UHRF1: variants seen among roughly 807,000 people sequenced by gnomAD.
UHRF1 encodes E3 ubiquitin-protein ligase UHRF1.
A neutral mutation model predicts 96.5 loss-of-function variants in UHRF1; 9 were observed. The observed-to-expected ratio is 0.09, with a 90% CI of 0.06 to 0.16. The LOEUF (loss-of-function observed/expected upper bound fraction) is 0.16, where lower values mean the gene tolerates loss of function less well. UHRF1 is among the 10% of genes least tolerant of loss of function. The pLI, the probability that UHRF1 is intolerant of heterozygous loss-of-function variation, is 1.00. For synonymous variants in UHRF1, 455 were observed against 469.9 expected, an observed-to-expected ratio of 0.97 and a Z score of 0.41; for missense variants, 626 against 1,131.1, an observed-to-expected ratio of 0.55 and a Z score of 6.40.
At chr19:4,938,420 T>G (rs542417686) in intron 5 of UHRF1, among the ~76,000 whole-genome samples, 8 of 152,270 alleles carry the variant, frequency 5.3e-5, no homozygotes, top group African/African-American at 1.9e-4. Flanking sequence ...TGGTAATTTA[T>G]GTTTTCTTTT....
At chr19:4,906,306 A>G (rs1400546520), upstream of UHRF1, among the ~76,000 whole-genome samples, 1 of 152,142 alleles carries the variant, frequency 6.6e-6, no homozygotes, top group Middle Eastern at 3.2e-3. Context: ...TAATTTGAAA[A>G]ATTTTGATGT....
At chr19:4,925,396 G>A (rs780729648) in intron 2 of UHRF1, among the ~76,000 whole-genome samples, 9 of 152,150 alleles carry the variant, frequency 5.9e-5, no homozygotes, top group South Asian at 2.1e-4. Flanking sequence ...CATGCACTGC[G>A]TGGCCTTTTG....
chr19:4,909,339 C>T, upstream of UHRF1: 1 of 584,656 alleles, frequency 1.7e-6, no homozygotes, highest in Non-Finnish European at 3.0e-6. Flanking sequence ...GGAGCCGTGG[C>T]CCACTAGGCG....
rs1265331681 is a variant in UHRF1, at chr19:4,962,058, T to C, written c.*1255T>C. ...TCCTTATTCTTAGATTATTAATGTATTAGGGAAGAATGAGACAATTTTGTG... is the reference window on the plus strand; with the variant it reads ...TCCTTATTCTTAGATTATTAATGTACTAGGGAAGAATGAGACAATTTTGTG... On this transcript the variant is annotated 3_prime_UTR_variant, in exon 17 of 17. Transcript: ENST00000650932. 7.1e-6 allele frequency: 1 copy of C among 140,646 alleles called. No individual in the cohort carries two copies. Among genetic ancestry groups the C allele is most frequent in the Non-Finnish European group, 1.6e-5 (1 of 62,342 alleles). The allele number at this position is 140,646 out of a possible 1,614,324, so 8.7% of individuals were successfully genotyped here. A position where few individuals can be genotyped will look rare whatever the true frequency, so the allele number is the denominator to read the frequency against.
intron 5 of UHRF1, among the ~76,000 whole-genome samples, chr19:4,935,229 A>G (rs2033180721): frequency 1.3e-5 from 2 of 151,986 alleles, no homozygotes; most frequent in African/African-American, 4.8e-5. Flanking sequence ...CAGCCCCTCA[A>G]AGTGCTGGGA....
chr19:4,954,443 G>A lies in UHRF1; in HGVS notation c.1912G>A (p.Ala638Thr), dbSNP rs2307209. ...EEEEQQEGGF[A>T]SPRTGKGKWK... is the part of the protein sequence containing the mutation. ...GGAGGAGCAGCAGGAGGGGGGCTTC[G>A]CGTCCCCCAGGACGGGCAAGGGCAA... The change falls in exon 14 of 17, where the codon GCG becomes ACG. Residue 638 changes from alanine to threonine, a missense_variant. Ala to Thr is a moderately conservative substitution (Grantham distance 58). Coordinates refer to ENST00000650932, the MANE Select transcript of UHRF1 (RefSeq NM_001048201.3). The surrounding 1 kb of genome is among the most constrained non-coding windows in gnomAD (Gnocchi z 5.9). 0.18 allele frequency: 289,040 copies of A among 1,613,130 alleles called. 27,654 individuals carry two copies. The highest frequency in any genetic ancestry group is 0.22 in the Admixed American group (13,152 of 59,902).
upstream of UHRF1, among the ~76,000 whole-genome samples, chr19:4,907,793 A>G (rs1222508820): frequency 8.0e-6 from 1 of 125,522 alleles, no homozygotes; most frequent in Non-Finnish European, 1.6e-5. Context: ...GCTCACCACA[A>G]CCTCTGCCTC....
chr19:4,943,332 G>T (rs765791320), intron 7 of UHRF1, among the ~76,000 whole-genome samples: 7 of 152,148 alleles, frequency 4.6e-5, no homozygotes, highest in Non-Finnish European at 1.0e-4. Flanking sequence ...AGTGCAGGGG[G>T]CTTCACAGCT....
rs1399460836 is a variant in UHRF1, at chr19:4,910,927, C to A, written c.42C>A (p.His14Gln). ...QVRTMDGRQTHTVDSLSRLTK... is the reference protein window; with the variant it reads ...QVRTMDGRQTQTVDSLSRLTK... ...GGACCATGGACGGGAGGCAGACCCACACGGTGGACTCGCTGTCCAGGCTGA... is the reference window on the plus strand; with the variant it reads ...GGACCATGGACGGGAGGCAGACCCAAACGGTGGACTCGCTGTCCAGGCTGA... Residue 14 changes from histidine (H) to glutamine (Q), a missense_variant, in exon 2 of 17, where the codon CAC becomes CAA. Around this residue, in one of 11 missense-constraint regions of UHRF1, gnomAD observed 32 missense variants for 46.8 expected, o/e 0.68. Transcript: ENST00000650932. 6.2e-7 allele frequency: 1 copy of A among 1,613,520 alleles called. No homozygotes were observed. Among genetic ancestry groups the A allele is most frequent in the Non-Finnish European group, 8.5e-7 (1 of 1,179,672 alleles).
In UHRF1 at chr19:4,924,028, G is replaced by A. The variant is rs1407379634; in HGVS notation, c.154-5194G>A. ...GTCACCCACGCTGGAGTGCAGTGGC[G>A]AGATCCTGGCTCACTGCAACCTCCA... On this transcript the variant is annotated intron_variant, in intron 2 of 16. Transcript: ENST00000650932. Among the ~76,000 whole-genome samples, 12 of 152,318 alleles carry A rather than the reference G, an allele frequency of 7.9e-5. No homozygotes were observed. The East Asian group carries it at 1.2e-3, about 15-fold the overall frequency.
intron 4 of UHRF1, among the ~76,000 whole-genome samples, chr19:4,931,671 G>A (rs2033056642): frequency 6.6e-6 from 1 of 151,712 alleles, no homozygotes; most frequent in South Asian, 2.1e-4. Context: ...GTTTCACTAT[G>A]TAGGTGAGGC....
chr19:4,930,637 C>T lies in UHRF1; in HGVS notation c.409-79C>T. 1 of 1,508,040 alleles carries T rather than the reference C, an allele frequency of 6.6e-7. No individual in the cohort carries two copies. The highest frequency in any genetic ancestry group is 9.0e-7 in the Non-Finnish European group (1 of 1,110,060). The allele number at this position is 1,508,040 out of a possible 1,614,324, so 93.4% of individuals were successfully genotyped here. A position where few individuals can be genotyped will look rare whatever the true frequency, so the allele number is the denominator to read the frequency against. ...TTTGCGCCCTGGTTCCAGAGCATCC[C>T]AGTGTCCGAGAACCAAGGTGGTCTC... On this transcript the variant is annotated intron_variant, in intron 3 of 16. Transcript: ENST00000650932. This position sits in a 1 kb window ranked among gnomAD's most constrained non-coding sequence, Gnocchi z 4.4.
intron 2 of UHRF1, among the ~76,000 whole-genome samples, chr19:4,922,417 C>T (rs912002635): frequency 6.6e-6 from 1 of 151,868 alleles, no homozygotes; most frequent in Non-Finnish European, 1.5e-5. Flanking sequence ...AGGCGCCCAC[C>T]ACCACGCCCG....
In UHRF1 at chr19:4,941,520, C is replaced by G; in HGVS notation, c.786-8C>G. The stretch of plus-strand genomic sequence containing the variant: ...GCCAGAATGTTCCAGCGTCCTCGTT[C>G]CTTGCAGGGATGATTCTCTGAACGA... On this transcript the variant is annotated splice_polypyrimidine_tract_variant and splice_region_variant and intron_variant, in intron 5 of 16. Transcript: ENST00000650932. 1 of 1,610,638 alleles carries G rather than the reference C, an allele frequency of 6.2e-7. No individual in the cohort carries two copies. The highest frequency in any genetic ancestry group is 8.5e-7 in the Non-Finnish European group (1 of 1,177,992).
intron 2 of UHRF1, among the ~76,000 whole-genome samples, chr19:4,920,223 G>C (rs2032660104): frequency 1.3e-5 from 2 of 152,146 alleles, no homozygotes. Context: ...CCTGAGGTCG[G>C]GAGTTAGAGA....
At chr19:4,922,610 TC>T (rs1282680352) in intron 2 of UHRF1, among the ~76,000 whole-genome samples, 1 of 152,228 alleles carries the variant, frequency 6.6e-6, no homozygotes, top group African/African-American at 2.4e-5. Flanking sequence ...GACCATGTTT[TC>T]TCTCACCTGT....
intron 9 of UHRF1, among the ~76,000 whole-genome samples, chr19:4,944,892 C>T (rs2033516857): frequency 6.6e-6 from 1 of 152,182 alleles, no homozygotes. Context: ...TGGGGCGGGG[C>T]CATCCTGGGC....
chr19:4,936,127 C>G (rs1042949870), intron 5 of UHRF1, among the ~76,000 whole-genome samples: 2 of 152,268 alleles, frequency 1.3e-5, no homozygotes, highest in East Asian at 1.9e-4. Context: ...GGAAAGGGAA[C>G]AGGTGCTCGG....
intron 5 of UHRF1, among the ~76,000 whole-genome samples, chr19:4,940,480 C>A (rs1462058397): frequency 1.4e-5 from 2 of 148,128 alleles, no homozygotes; most frequent in African/African-American, 4.9e-5. Context: ...GATTCTCCTG[C>A]CTCAGCCTCC....
Sources: allele counts gnomAD v4.1 joint callset (sites outside exome capture counted in the v4.1 genomes callset), GRCh38; gene constraint gnomAD v4.1.1; regional missense constraint gnomAD v4.1.1; non-coding constraint Gnocchi (gnomAD v3.1); transcripts MANE v1.5; gene names NCBI Gene and HGNC (gene_info 2026-07-23, HGNC 2026-07-21).